Variants in LGR6 observed in about 807,000 individuals in gnomAD.
The protein encoded by LGR6 is leucine rich repeat containing G protein-coupled receptor 6.
A neutral mutation model predicts 69.4 loss-of-function variants in LGR6; 45 were observed. That is an observed-to-expected ratio of 0.65 (90% CI 0.51 to 0.83). The LOEUF is 0.83. LGR6 is among the 40% of genes least tolerant of loss of function. LGR6 has a pLI of 0.00. For synonymous variants in LGR6, 538 were observed against 555.0 expected (o/e 0.97, Z 0.43); for missense variants, 1,108 against 1,246.7 (o/e 0.89, Z 1.68).
At chr1:202,208,703 G>T (rs987710856) in intron 1 of LGR6, among the ~76,000 whole-genome samples, 1 of 152,096 alleles carries the variant, frequency 6.6e-6, no homozygotes, top group East Asian at 1.9e-4. Context: ...GAAGCCCAGG[G>T]TGCCACCTCC....
chr1:202,245,275 G>T (rs1440635487), intron 4 of LGR6, among the ~76,000 whole-genome samples: 4 of 141,478 alleles, frequency 2.8e-5, no homozygotes, highest in African/African-American at 1.1e-4. Flanking sequence ...TACCACATAC[G>T]TTTGGGGCAG....
chr1:202,252,647 C>T (rs556850103), intron 4 of LGR6, among the ~76,000 whole-genome samples: 18 of 152,348 alleles, frequency 1.2e-4, no homozygotes, highest in Admixed American at 3.3e-4. Context: ...GAACAGGGCA[C>T]TGACAATACA....
chr1:202,214,278 C>T, intron 1 of LGR6: 1 of 1,503,280 alleles, frequency 6.7e-7, no homozygotes, highest in South Asian at 1.3e-5. Context: ...GAAAGTTCCA[C>T]AGGTCCTCCG....
At chr1:202,266,889 C>T (rs927374651) in intron 4 of LGR6, among the ~76,000 whole-genome samples, 1 of 129,552 alleles carries the variant, frequency 7.7e-6, no homozygotes, top group African/African-American at 2.6e-5. Flanking sequence ...CTCTTTTCCT[C>T]TCTCTCTAAC....
chr1:202,262,569 C>T (rs917687204), intron 4 of LGR6, among the ~76,000 whole-genome samples: 10 of 152,122 alleles, frequency 6.6e-5, no homozygotes, highest in Admixed American at 1.3e-4. Context: ...CTTGGCAATG[C>T]GGGCTCTTTT....
intron 6 of LGR6, among the ~76,000 whole-genome samples, chr1:202,282,266 C>A (rs1441671866): frequency 1.3e-5 from 2 of 152,222 alleles, no homozygotes; most frequent in Non-Finnish European, 2.9e-5. Context: ...TCTGGACAGT[C>A]TAGCCCACTC....
At chr1:202,219,718 A>G (rs1484651666) in intron 1 of LGR6, among the ~76,000 whole-genome samples, 2 of 152,196 alleles carry the variant, frequency 1.3e-5, no homozygotes, top group Admixed American at 1.3e-4. Flanking sequence ...GCACCCTGAT[A>G]GGACTGGAGG....
intron 1 of LGR6, among the ~76,000 whole-genome samples, chr1:202,217,376 A>G (rs1284931725): frequency 6.6e-6 from 1 of 152,146 alleles, no homozygotes; most frequent in Non-Finnish European, 1.5e-5. Context: ...CCCACACCAC[A>G]TCGATGAAAC....
chr1:202,306,214 A>C (rs7532944), intron 12 of LGR6, among the ~76,000 whole-genome samples: 68,187 of 152,066 alleles, frequency 0.45, 17,191 homozygotes, highest in East Asian at 0.7. Context: ...ACATAATCAT[A>C]TGTGGAAGAA....
intron 3 of LGR6, 50 bp downstream of exon 3, chr1:202,228,057 G>A: frequency 7.4e-7 from 1 of 1,358,582 alleles, no homozygotes. Flanking sequence ...ACTGAGAATG[G>A]TGAGCAAATC....
At chr1:202,280,556 A>G (rs1665924007) in intron 5 of LGR6, among the ~76,000 whole-genome samples, 1 of 152,080 alleles carries the variant, frequency 6.6e-6, no homozygotes, top group African/African-American at 2.4e-5. Flanking sequence ...TTCCTTTAAT[A>G]GGAAATCAAT....
At chr1:202,216,895 C>T (rs568309945) in intron 1 of LGR6, among the ~76,000 whole-genome samples, 20 of 152,360 alleles carry the variant, frequency 1.3e-4, no homozygotes, top group African/African-American at 4.8e-4. Flanking sequence ...GCTCTGGGCA[C>T]AGGCAGGGGA....
intron 1 of LGR6, among the ~76,000 whole-genome samples, chr1:202,223,547 G>T (rs775156679): frequency 6.6e-6 from 1 of 152,006 alleles, no homozygotes. Flanking sequence ...CCTCAAGAAG[G>T]CTTGGGGGCA....
chr1:202,255,080 G>A (rs1446357927), intron 4 of LGR6, among the ~76,000 whole-genome samples: 1 of 152,186 alleles, frequency 6.6e-6, no homozygotes, highest in African/African-American at 2.4e-5. Flanking sequence ...AGCACTGTCT[G>A]CCTGCCCACT....
chr1:202,212,797 C>G (rs1177883734), intron 1 of LGR6, among the ~76,000 whole-genome samples: 1 of 152,250 alleles, frequency 6.6e-6, no homozygotes. Context: ...GTAGACACAC[C>G]TTTAGGGAGG....
intron 4 of LGR6, among the ~76,000 whole-genome samples, chr1:202,260,985 C>T (rs1306870001): frequency 6.6e-6 from 1 of 151,952 alleles, no homozygotes; most frequent in African/African-American, 2.4e-5. Flanking sequence ...AAATGTTTGC[C>T]AGAATGTGTT....
At chr1:202,257,732 T>A (rs1663892035) in intron 4 of LGR6, among the ~76,000 whole-genome samples, 1 of 152,164 alleles carries the variant, frequency 6.6e-6, no homozygotes, top group African/African-American at 2.4e-5. Flanking sequence ...AGCTTTGTAA[T>A]AAGTTTTGAA....
chr1:202,318,184 T>G lies in LGR6; in HGVS notation c.1881T>G (p.Gly627=). 1 of 1,613,558 alleles carries G rather than the reference T, an allele frequency of 6.2e-7. No homozygotes were observed. The highest frequency in any genetic ancestry group is 1.1e-5 in the South Asian group (1 of 91,060). ...LLASVDALTF[G]QFSEYGARWE... ...CCTCAGTCGATGCCCTGACCTTTGG[T>G]CAGTTCTCTGAGTACGGAGCCCGCT... Residue 627 remains glycine (G), a synonymous_variant, in exon 18 of 18, where the codon GGT becomes GGG. Transcript: ENST00000367278.
chr1:202,203,980 T>A, intron 1 of LGR6: 1 of 798,944 alleles, frequency 1.3e-6, no homozygotes, highest in South Asian at 1.4e-5. Context: ...GTTCACTATG[T>A]CTTTGTAGGG....
Sources: allele counts gnomAD v4.1 joint callset (sites outside exome capture counted in the v4.1 genomes callset), GRCh38; gene constraint gnomAD v4.1.1; transcripts MANE v1.5; gene names NCBI Gene and HGNC (gene_info 2026-07-23, HGNC 2026-07-21).